RABGEF1: variants seen among roughly 807,000 people sequenced by gnomAD.
The protein encoded by RABGEF1 is rab5 GDP/GTP exchange factor.
A neutral mutation model predicts 57.3 loss-of-function variants in RABGEF1; 26 were observed. That is an observed-to-expected ratio of 0.45 (90% CI 0.33 to 0.63). The LOEUF is 0.63. Among genes scored for constraint, RABGEF1 ranks in the 20% least tolerant of loss-of-function variants. RABGEF1 has a pLI of 0.02. For synonymous variants in RABGEF1, 185 were observed against 210.7 expected, an observed-to-expected ratio of 0.88 and a Z score of 1.06; for missense variants, 464 against 607.6, an observed-to-expected ratio of 0.76 and a Z score of 2.48.
intron 1 of RABGEF1, among the ~76,000 whole-genome samples, chr7:66,753,918 G>GACAGT (rs1326016727): frequency 1.4e-4 from 21 of 149,668 alleles, no homozygotes; most frequent in South Asian, 2.1e-4. Flanking sequence ...TGTTGGCCAG[G>GACAGT]CTGTTCTTGA....
intron 1 of RABGEF1, among the ~76,000 whole-genome samples, chr7:66,685,153 C>CTTTT (rs545055892): frequency 3.6e-4 from 36 of 101,102 alleles, no homozygotes; most frequent in South Asian, 6.9e-4. Flanking sequence ...GGATTATTTG[C>CTTTT]TTTTTTTTTT....
At chr7:66,706,903 T>A (rs1231091398) in intron 1 of RABGEF1, among the ~76,000 whole-genome samples, 1 of 147,210 alleles carries the variant, frequency 6.8e-6, no homozygotes, top group Non-Finnish European at 1.5e-5. Context: ...TGCCTCAGCC[T>A]CCCGAGTAGC....
At chr7:66,759,546 G>A (rs1803703036) in intron 1 of RABGEF1, among the ~76,000 whole-genome samples, 1 of 152,152 alleles carries the variant, frequency 6.6e-6, no homozygotes, top group African/African-American at 2.4e-5. Context: ...AATTTATAAA[G>A]AAAGGAGGTT....
intron 7 of RABGEF1, among the ~76,000 whole-genome samples, chr7:66,804,612 G>A (rs1261545592): frequency 6.6e-6 from 1 of 152,030 alleles, no homozygotes; most frequent in Non-Finnish European, 1.5e-5. Context: ...GCGGGCATCT[G>A]TAATCTCAGC....
At chr7:66,694,628 C>T (rs1326454400) in intron 1 of RABGEF1, among the ~76,000 whole-genome samples, 7 of 152,192 alleles carry the variant, frequency 4.6e-5, no homozygotes, top group African/African-American at 7.2e-5. Flanking sequence ...GAGCTAGTGA[C>T]GTGGATGTCA....
At chr7:66,793,800 G>A (rs1399878376) in intron 4 of RABGEF1, among the ~76,000 whole-genome samples, 1 of 152,062 alleles carries the variant, frequency 6.6e-6, no homozygotes, top group Non-Finnish European at 1.5e-5. Context: ...GACCCCAAGT[G>A]TCCTGCCATC....
chr7:66,719,322 C>G (rs1044892231), intron 2 of RABGEF1, among the ~76,000 whole-genome samples: 1 of 152,150 alleles, frequency 6.6e-6, no homozygotes, highest in Non-Finnish European at 1.5e-5. Context: ...CCATCTTAGC[C>G]TCCTGAGTAG....
chr7:66,737,073 T>TGTGAGA (rs1401941475), upstream of RABGEF1, among the ~76,000 whole-genome samples: 14 of 117,150 alleles, frequency 1.2e-4, 2 homozygotes, highest in East Asian at 3.6e-3. Context: ...AGAGAGAGAG[T>TGTGAGA]GAGAGAGAGA....
chr7:66,666,389 A>G, the RABGEF1 span: 2 of 152,218 alleles, frequency 1.3e-5, no homozygotes, highest in Admixed American at 1.3e-4. Context: ...CTGGGAGGGA[A>G]GAGAGACAGC....
chr7:66,677,794 G>C (rs1381727124), upstream of RABGEF1, among the ~76,000 whole-genome samples: 2 of 150,026 alleles, frequency 1.3e-5, no homozygotes, highest in Non-Finnish European at 3.0e-5. Context: ...ATCTACAAAG[G>C]AATGCCGGGT....
intron 1 of RABGEF1, among the ~76,000 whole-genome samples, chr7:66,685,153 CTTT>C (rs545055892): frequency 5.9e-4 from 60 of 101,088 alleles, no homozygotes; most frequent in African/African-American, 2.0e-3. Flanking sequence ...GGATTATTTG[CTTT>C]TTTTTTTTTT....
chr7:66,749,219 A>G (rs930686409), intron 1 of RABGEF1: 1 of 152,354 alleles, frequency 6.6e-6, no homozygotes. Flanking sequence ...ATTTTGCTCC[A>G]GCTGAACAGT....
chr7:66,752,258 C>A (rs974044892), intron 1 of RABGEF1, among the ~76,000 whole-genome samples: 3 of 151,956 alleles, frequency 2.0e-5, no homozygotes, highest in African/African-American at 7.3e-5. Context: ...CTTTGGGAGT[C>A]CGAGGTGGAC....
chr7:66,702,900 CAAAT>C (rs1793501654), intron 1 of RABGEF1, among the ~76,000 whole-genome samples: 1 of 152,072 alleles, frequency 6.6e-6, no homozygotes, highest in Non-Finnish European at 1.5e-5. Context: ...ATATGACTTG[CAAAT>C]ATTTTCTGTC....
At chr7:66,736,467 G>T (rs575918640), upstream of RABGEF1, among the ~76,000 whole-genome samples, 6 of 152,280 alleles carry the variant, frequency 3.9e-5, no homozygotes, top group Non-Finnish European at 7.4e-5. Context: ...TTTGGGCAAA[G>T]AATACAATGT....
chr7:66,696,173 C>T (rs1792302807), intron 1 of RABGEF1, among the ~76,000 whole-genome samples: 1 of 152,084 alleles, frequency 6.6e-6, no homozygotes, highest in Non-Finnish European at 1.5e-5. Flanking sequence ...TCAAGCTATC[C>T]TCTCGCTTCT....
chr7:66,749,655 C>G (rs1293829126), intron 1 of RABGEF1, among the ~76,000 whole-genome samples: 1 of 152,020 alleles, frequency 6.6e-6, no homozygotes, highest in Non-Finnish European at 1.5e-5. Flanking sequence ...GCCTGGGCAA[C>G]AAAGCAAGAC....
chr7:66,676,714 A>G, the RABGEF1 span, among the ~76,000 whole-genome samples: 89 of 152,262 alleles, frequency 5.8e-4, no homozygotes, highest in African/African-American at 2.0e-3. Context: ...CAGCCTCCCA[A>G]GTAGCTGGCA....
At chr7:66,730,557 CTTT>C (rs888301191) in intron 2 of RABGEF1, among the ~76,000 whole-genome samples, 30 of 130,826 alleles carry the variant, frequency 2.3e-4, no homozygotes, top group Admixed American at 5.5e-4. Context: ...GTTTCTTTTT[CTTT>C]TTTTTTTTTT....
Sources: allele counts gnomAD v4.1 joint callset (sites outside exome capture counted in the v4.1 genomes callset), GRCh38; gene constraint gnomAD v4.1.1; transcripts MANE v1.5; gene names NCBI Gene and HGNC (gene_info 2026-07-23, HGNC 2026-07-21).